The following SORBS2 variants were observed in gnomAD, a reference collection of about 807,000 sequenced individuals.
SORBS2 encodes the protein sorbin and SH3 domain-containing protein 2.
A neutral mutation model predicts 97.7 loss-of-function variants in SORBS2; 46 were observed. The ratio of observed to expected loss-of-function variants is 0.47; its 90% CI spans 0.37 to 0.60. The LOEUF is 0.60. Ranked by LOEUF, SORBS2 falls within the 20% of genes least tolerant of loss-of-function variation. The probability of loss-of-function intolerance (pLI) is 0.00; values close to 1 mark genes in which losing one functional copy is unlikely to be tolerated. For missense variants in SORBS2, 1,316 were observed against 1,282.3 expected, an observed-to-expected ratio of 1.03 and a Z score of -0.40; for synonymous variants, 476 against 473.4, an observed-to-expected ratio of 1.01 and a Z score of -0.07.
At chr4:185,941,810 A>T (rs1471085704) in intron 1 of SORBS2, among the ~76,000 whole-genome samples, 1 of 152,162 alleles carries the variant, frequency 6.6e-6, no homozygotes, top group Admixed American at 6.6e-5. Context: ...TTTATTTTAC[A>T]TGTAAGAAAA....
intron 2 of SORBS2, among the ~76,000 whole-genome samples, chr4:185,745,073 C>T (rs1244062561): frequency 6.6e-6 from 1 of 152,172 alleles, no homozygotes; most frequent in Non-Finnish European, 1.5e-5. Flanking sequence ...TACCTGGCCG[C>T]TCTCCCTGTG....
intron 1 of SORBS2, chr4:185,813,142 C>T (rs1257810109): frequency 6.6e-6 from 1 of 152,236 alleles, no homozygotes; most frequent in Non-Finnish European, 1.5e-5. Flanking sequence ...TTCCAAGGCA[C>T]TGTCCCATTT....
exon 15 of SORBS2, chr4:185,587,304 CTTTT>C (rs33934418): frequency 2.4e-3 from 381 of 157,640 alleles, no homozygotes; most frequent in Middle Eastern, 7.3e-3. Context: ...CCTGGAGACA[CTTTT>C]TTTTTTTTTT....
chr4:185,827,291 T>C (rs62652496), intron 1 of SORBS2, among the ~76,000 whole-genome samples: 81 of 28,480 alleles, frequency 2.8e-3, no homozygotes, highest in East Asian at 0.014. Context: ...ATCATCACCA[T>C]CATCATCATC....
intron 1 of SORBS2, among the ~76,000 whole-genome samples, chr4:185,950,863 A>C (rs535719162): frequency 6.6e-6 from 1 of 152,298 alleles, no homozygotes; most frequent in Admixed American, 6.5e-5. Flanking sequence ...CTCTAAGAGC[A>C]GAATAGGAAG....
exon 7 of SORBS2, chr4:185,624,363 T>C (rs371231906): frequency 4.3e-6 from 7 of 1,614,106 alleles, no homozygotes; most frequent in African/African-American, 2.7e-5. Context: ...TTGAAACTAA[T>C]GGCTCTTGGT....
Position 185,668,359 on chromosome 4 carries a change from C to T in SORBS2, c.-45-6117G>A, listed in dbSNP as rs967949082. Among the ~76,000 whole-genome samples, 4 of 152,232 alleles carry T rather than the reference C, an allele frequency of 2.6e-5. No individual in the cohort carries two copies. The South Asian group carries it at 8.3e-4, about 31-fold the overall frequency. On this transcript the variant is annotated intron_variant, in intron 4 of 20. Coordinates refer to the SORBS2 transcript ENST00000284776. ...ACCTTTCGAATTTCTTTCACCACCT[C>T]CTGACATGCTCCTGGTTTTGAGTCT...
At chr4:185,916,112 C>T (rs1328816405) in intron 1 of SORBS2, among the ~76,000 whole-genome samples, 1 of 152,064 alleles carries the variant, frequency 6.6e-6, no homozygotes, top group African/African-American at 2.4e-5. Flanking sequence ...GGGTTTCCAA[C>T]TGGAGGAAAT....
At chr4:185,728,079 AT>A (rs2098575089) in intron 2 of SORBS2, among the ~76,000 whole-genome samples, 1 of 152,202 alleles carries the variant, frequency 6.6e-6, no homozygotes, top group Non-Finnish European at 1.5e-5. Flanking sequence ...ACATATTTCT[AT>A]TGTGAAAACC....
At chr4:185,941,429 C>A (rs1212750454) in intron 1 of SORBS2, among the ~76,000 whole-genome samples, 2 of 152,120 alleles carry the variant, frequency 1.3e-5, no homozygotes, top group African/African-American at 4.8e-5. Context: ...TCCATGAGAA[C>A]ATGGAAATAA....
intron 4 of SORBS2, chr4:185,677,004 C>A (rs1361225309): frequency 1.3e-6 from 2 of 1,550,004 alleles, no homozygotes; most frequent in Non-Finnish European, 1.7e-6. Context: ...TACCACTCTG[C>A]AGTCTGAGGA....
chr4:185,861,668 C>T (rs13124801), intron 1 of SORBS2, among the ~76,000 whole-genome samples: 5,681 of 150,598 alleles, frequency 0.038, 182 homozygotes, highest in South Asian at 0.16. Context: ...TGCAGTGGTG[C>T]GATCTTGGCT....
rs2099202282 is a variant in SORBS2 at position 185,827,756 on chromosome 4, TCAC to T, written c.-337-52393_-337-52391del. Among the ~76,000 whole-genome samples, 11 of 19,416 alleles carry T rather than the reference TCAC, an allele frequency of 5.7e-4. 1 individual carries two copies. Among genetic ancestry groups the T allele is most frequent in the Admixed American group, 1.2e-3 (2 of 1,656 alleles). The allele number at this position is 19,416 out of a possible 152,430, so 12.7% of individuals were successfully genotyped here. ...ATCATCATCACCATCATCACCATCA[TCAC>T]CATCATCATCACCATCACCATCATC... On this transcript the variant is annotated intron_variant, in intron 1 of 20. Coordinates refer to the SORBS2 transcript ENST00000284776.
chr4:185,685,149 C>T (rs2097930809), intron 2 of SORBS2, among the ~76,000 whole-genome samples: 1 of 152,190 alleles, frequency 6.6e-6, no homozygotes, highest in African/African-American at 2.4e-5. Context: ...CAGAACTCAA[C>T]TTTGTTTATA....
At chr4:185,765,660 A>C (rs2098930446) in intron 2 of SORBS2, among the ~76,000 whole-genome samples, 1 of 152,226 alleles carries the variant, frequency 6.6e-6, no homozygotes, top group South Asian at 2.1e-4. Flanking sequence ...ATTCTAAATT[A>C]ATTTCCAAAT....
intron 1 of SORBS2, among the ~76,000 whole-genome samples, chr4:185,785,521 G>A (rs2099052287): frequency 1.3e-5 from 2 of 152,184 alleles, no homozygotes; most frequent in Non-Finnish European, 1.5e-5. Context: ...CTGTGTGAGA[G>A]TGTAATGATG....
At chr4:185,894,814 A>G (rs1246968995) in intron 1 of SORBS2, among the ~76,000 whole-genome samples, 2 of 152,210 alleles carry the variant, frequency 1.3e-5, no homozygotes, top group Non-Finnish European at 2.9e-5. Flanking sequence ...CATCACTGTG[A>G]CTTGAAAATC....
chr4:185,849,308 C>T (rs556142433), intron 1 of SORBS2, among the ~76,000 whole-genome samples: 10 of 152,234 alleles, frequency 6.6e-5, no homozygotes, highest in South Asian at 4.2e-4. Context: ...CTGCGAATTC[C>T]GACTTGAGAC....
At chr4:185,812,310 A>G (rs2099188058) in intron 1 of SORBS2, 116 bp from the exon 1 acceptor site, 1 of 152,252 alleles carries the variant, frequency 6.6e-6, no homozygotes, top group African/African-American at 2.4e-5. Flanking sequence ...AGACTTAGCA[A>G]GCATGGCTGA....
Sources: gnomAD v4.1 joint callset for allele counts (sites outside exome capture counted in the v4.1 genomes callset) on GRCh38, gnomAD v4.1.1 for gene constraint, MANE v1.5 for transcripts, NCBI Gene and HGNC (gene_info 2026-07-23, HGNC 2026-07-21) for gene names.